IARS2: variants seen among roughly 807,000 people sequenced by gnomAD.
The protein encoded by IARS2 is isoleucyl-tRNA synthetase 2, mitochondrial, also known as isoleucine--tRNA ligase, mitochondrial.
Under a neutral mutation model 126.3 loss-of-function variants are expected in IARS2, and 56 were observed. The ratio of observed to expected loss-of-function variants is 0.44; its 90% CI spans 0.36 to 0.55. The LOEUF (loss-of-function observed/expected upper bound fraction) is 0.55. Among genes scored for constraint, IARS2 ranks in the 20% least tolerant of loss-of-function variants. The probability of loss-of-function intolerance (pLI) is 0.00; values close to 1 mark genes in which losing one functional copy is unlikely to be tolerated. For missense variants in IARS2, 1,127 were observed against 1,245.9 expected, an observed-to-expected ratio of 0.90 and a Z score of 1.44; for synonymous variants, 407 against 441.1, an observed-to-expected ratio of 0.92 and a Z score of 0.97.
At chr1:220,145,082 T>C (rs952649651) in intron 21 of IARS2, among the ~76,000 whole-genome samples, 4 of 143,192 alleles carry the variant, frequency 2.8e-5, no homozygotes, top group African/African-American at 1.0e-4. Flanking sequence ...CAATGATACA[T>C]GAAAAAAAAA....
intron 22 of IARS2, among the ~76,000 whole-genome samples, chr1:220,147,268 A>AATC (rs1469271237): frequency 6.6e-6 from 1 of 152,114 alleles, no homozygotes; most frequent in African/African-American, 2.4e-5. Flanking sequence ...GATGTCAGTT[A>AATC]ATCTCAGAGT....
At chr1:220,137,404 A>G (rs1401972323) in intron 16 of IARS2, among the ~76,000 whole-genome samples, 1 of 152,214 alleles carries the variant, frequency 6.6e-6, no homozygotes, top group Admixed American at 6.5e-5. Context: ...ATGTACATCA[A>G]ATCTGAGGTT....
intron 16 of IARS2, chr1:220,137,704 A>G (rs1657403103): frequency 5.8e-6 from 3 of 519,990 alleles, no homozygotes; most frequent in African/African-American, 3.8e-5. Context: ...TTGTGCATTG[A>G]ACAAGATTGC....
Position 220,147,912 on chromosome 1 carries a change from A to G in IARS2, c.*277A>G. ...ATATATATCCATAGTGGACTTATTC[A>G]GAACATAGATATGTATTCAGCTTGT... On this transcript the variant is annotated 3_prime_UTR_variant, in exon 23 of 23. Coordinates refer to ENST00000366922, the MANE Select transcript of IARS2 (RefSeq NM_018060.4). The G allele has an allele frequency of 4.8e-6, 2 of 417,492 alleles. No homozygotes were observed. Among genetic ancestry groups the G allele is most frequent in the Non-Finnish European group, 4.2e-6 (1 of 236,024 alleles). The allele number at this position is 417,492 out of a possible 1,614,324, so 25.9% of individuals were successfully genotyped here.
chr1:220,102,648 A>G, intron 6 of IARS2, 39 bp from the exon 7 acceptor site: 4 of 1,589,426 alleles, frequency 2.5e-6, no homozygotes, highest in Non-Finnish European at 3.5e-6. Flanking sequence ...TTATAGAATT[A>G]TCCCATTTGC....
At chr1:220,117,631 T>C (rs1344603433) in intron 12 of IARS2, among the ~76,000 whole-genome samples, 1 of 152,104 alleles carries the variant, frequency 6.6e-6, no homozygotes, top group African/African-American at 2.4e-5. Context: ...TTAGTAAATA[T>C]AGCAAACTGG....
At chr1:220,122,575 A>G (rs1459360649) in intron 12 of IARS2, among the ~76,000 whole-genome samples, 2 of 152,246 alleles carry the variant, frequency 1.3e-5, no homozygotes, top group African/African-American at 4.8e-5. Context: ...TTTAACTGTT[A>G]CTTGCTTAGC....
intron 12 of IARS2, among the ~76,000 whole-genome samples, chr1:220,121,364 C>T (rs759508226): frequency 3.3e-5 from 5 of 151,908 alleles, no homozygotes; most frequent in Non-Finnish European, 4.4e-5. Context: ...TTAAAATATG[C>T]GCTATATCTA....
chr1:220,128,885 A>G (rs1185940214), intron 14 of IARS2, among the ~76,000 whole-genome samples: 1 of 151,210 alleles, frequency 6.6e-6, no homozygotes, highest in Non-Finnish European at 1.5e-5. Flanking sequence ...GAGTTTAGTC[A>G]TAATATTTCT....
chr1:220,140,838 G>C (rs12032345), intron 19 of IARS2, among the ~76,000 whole-genome samples: 10,837 of 152,038 alleles, frequency 0.071, 514 homozygotes, highest in South Asian at 0.14. Flanking sequence ...CAAAAAATTA[G>C]CTGGGCGTGG....
intron 12 of IARS2, among the ~76,000 whole-genome samples, chr1:220,116,008 G>C (rs1656905547): frequency 6.6e-6 from 1 of 152,128 alleles, no homozygotes; most frequent in Non-Finnish European, 1.5e-5. Context: ...ATTGCTTGAA[G>C]CCAGCTGTTC....
chr1:220,143,402 A>G (rs1657527785), intron 21 of IARS2: 1 of 246,854 alleles, frequency 4.1e-6, no homozygotes, highest in Non-Finnish European at 7.8e-6. Context: ...TCTAATCCTG[A>G]TATCATCACT....
chr1:220,104,273 A>G (rs150931495), intron 8 of IARS2, among the ~76,000 whole-genome samples: 1 of 151,626 alleles, frequency 6.6e-6, no homozygotes, highest in African/African-American at 2.4e-5. Context: ...CACTGTGCCT[A>G]GCCCAAAATA....
intron 2 of IARS2, 113 bp downstream of exon 2, chr1:220,096,339 C>T: frequency 1.3e-6 from 1 of 747,782 alleles, no homozygotes; most frequent in Non-Finnish European, 2.0e-6. Flanking sequence ...GCACATAAAA[C>T]TAAAACATTT....
chr1:220,110,409 A>G (rs1656776088), intron 10 of IARS2, among the ~76,000 whole-genome samples: 1 of 152,116 alleles, frequency 6.6e-6, no homozygotes, highest in Admixed American at 6.5e-5. Flanking sequence ...TCTGTCACCC[A>G]GGCTGGAGTG....
At chr1:220,142,812 A>G (rs546201779) in intron 20 of IARS2, 132 bp from the exon 21 acceptor site, 13 of 524,268 alleles carry the variant, frequency 2.5e-5, no homozygotes, top group East Asian at 3.1e-5. Context: ...GGATGGATCC[A>G]TAATATTTCA....
intron 15 of IARS2, among the ~76,000 whole-genome samples, chr1:220,135,301 A>C (rs1490427704): frequency 6.6e-6 from 1 of 152,200 alleles, no homozygotes; most frequent in South Asian, 2.1e-4. Flanking sequence ...AAAGATTCCT[A>C]AATAGCTTAG....
chr1:220,105,045 CT>C (rs1215262924), intron 8 of IARS2, among the ~76,000 whole-genome samples: 1 of 152,064 alleles, frequency 6.6e-6, no homozygotes, highest in Admixed American at 6.6e-5. Context: ...AGGAAAGGAG[CT>C]TAAGAATTTT....
In IARS2 at chr1:220,142,967, G is replaced by A. The variant is rs1657519025; in HGVS notation, c.2584G>A (p.Gly862Arg). The change falls in exon 21 of 23, where the codon GGG becomes AGG. Residue 862 changes from glycine to arginine, a missense_variant. Transcript: ENST00000366922. ...AGAGCCCAAGAGTGTTTTCCGTACT[G>A]GGTGGATTAGTACTAGTTCTATCTG... is the stretch of plus-strand genomic sequence containing the variant. ...IKEPKSVFRT[G>R]WISTSSIWKK... The A allele has an allele frequency of 6.2e-7, 1 of 1,613,286 alleles. No individual in the cohort carries two copies. Among genetic ancestry groups the A allele is most frequent in the East Asian group, 2.2e-5 (1 of 44,878 alleles).
Sources: allele counts gnomAD v4.1 joint callset (sites outside exome capture counted in the v4.1 genomes callset), GRCh38; gene constraint gnomAD v4.1.1; transcripts MANE v1.5; gene names NCBI Gene and HGNC (gene_info 2026-07-23, HGNC 2026-07-21).